HDAC8: variants seen among roughly 807,000 people sequenced by gnomAD.
HDAC8 encodes the protein histone deacetylase-like 1.
In HDAC8, 1 loss-of-function variant was observed where a neutral mutation model predicts 32.2. That is an observed-to-expected ratio of 0.03 (90% CI 0.01 to 0.15). The LOEUF (loss-of-function observed/expected upper bound fraction) is 0.15, where lower values mean the gene tolerates loss of function less well. Among genes scored for constraint, HDAC8 ranks in the 10% least tolerant of loss-of-function variants. HDAC8 has a pLI of 1.00. For missense variants in HDAC8, 117 were observed against 300.0 expected (o/e 0.39, Z 4.51); for synonymous variants, 108 against 113.9 (o/e 0.95, Z 0.33).
At chrX:72,420,221 G>T (rs1227664194) in intron 9 of HDAC8, among the ~76,000 whole-genome samples, 1 of 111,398 alleles carries the variant, frequency 9.0e-6, no homozygotes, top group Non-Finnish European at 1.9e-5. Flanking sequence ...AAAGTTTCTG[G>T]TCCTTGGCTT....
chrX:72,428,168 A>T (rs1421314046), intron 9 of HDAC8, among the ~76,000 whole-genome samples: 1 of 111,610 alleles, frequency 9.0e-6, no homozygotes, highest in Non-Finnish European at 1.9e-5. Flanking sequence ...ATCTCCGCTC[A>T]CTGCAACCTC....
chrX:72,549,375 T>C (rs1470896779), intron 4 of HDAC8, among the ~76,000 whole-genome samples: 1 of 111,170 alleles, frequency 9.0e-6, no homozygotes, highest in Non-Finnish European at 1.9e-5. Flanking sequence ...TAATACAATC[T>C]ATAATGCTGT....
At chrX:72,395,112 G>C (rs1306648374) in intron 9 of HDAC8, among the ~76,000 whole-genome samples, 1 of 112,308 alleles carries the variant, frequency 8.9e-6, no homozygotes, top group African/African-American at 3.2e-5. Flanking sequence ...GGGGAAAAAA[G>C]TGCTAAGAGC....
intron 7 of HDAC8, chrX:72,474,507 A>G: frequency 9.3e-7 from 1 of 1,074,284 alleles, no homozygotes. Context: ...AAAGTATAAA[A>G]TCTCTTATCC....
intron 4 of HDAC8, among the ~76,000 whole-genome samples, chrX:72,566,711 G>A (rs1556134942): frequency 2.7e-5 from 3 of 112,043 alleles, no homozygotes; most frequent in Admixed American, 9.5e-5. Flanking sequence ...ACAGAGGATC[G>A]ATAAATTCAG....
chrX:72,338,682 T>G (rs1238180806), intron 10 of HDAC8, among the ~76,000 whole-genome samples: 2 of 59,622 alleles, frequency 3.4e-5, no homozygotes, highest in Admixed American at 4.4e-4. Context: ...AATATATATA[T>G]ACAAATATAT....
At chrX:72,511,684 T>C (rs1231598109) in intron 4 of HDAC8, among the ~76,000 whole-genome samples, 3 of 112,271 alleles carry the variant, frequency 2.7e-5, no homozygotes, top group African/African-American at 9.7e-5. Flanking sequence ...TGCTTTAAAA[T>C]GCAGGGAAAG....
chrX:72,357,782 T>C (rs186472790), intron 9 of HDAC8, among the ~76,000 whole-genome samples: 3 of 112,061 alleles, frequency 2.7e-5, no homozygotes, highest in Middle Eastern at 4.6e-3. Flanking sequence ...AGGTTTCTCT[T>C]GTCTTCCACC....
intron 3 of HDAC8, 134 bp from the exon 4 acceptor site, chrX:72,568,164 C>A: frequency 2.0e-6 from 1 of 509,364 alleles, no homozygotes; most frequent in Non-Finnish European, 3.3e-6. Flanking sequence ...ACAGAAACAA[C>A]TCCAATGTTG....
chrX:72,432,074 G>T (rs1429982480), intron 9 of HDAC8, among the ~76,000 whole-genome samples: 1 of 110,720 alleles, frequency 9.0e-6, no homozygotes, highest in Non-Finnish European at 1.9e-5. Context: ...GGGCTCAAGT[G>T]ATTCTCCTTC....
In HDAC8 at chrX:72,401,197, T is replaced by C. The variant is rs202091815; in HGVS notation, c.1006-49359A>G. Reference sequence around the variant, plus strand: ...TGTACTTTTACATTCCCATGGGCAGTGTATGAGTGTTTCGTTTTCCCACAT... The same window carrying C: ...TGTACTTTTACATTCCCATGGGCAGCGTATGAGTGTTTCGTTTTCCCACAT... On this transcript the variant is annotated intron_variant, in intron 9 of 10. Coordinates refer to ENST00000373573, the MANE Select transcript of HDAC8 (RefSeq NM_018486.3). Among the ~76,000 whole-genome samples, 14 of 112,184 alleles carry C rather than the reference T, an allele frequency of 1.2e-4. No individual in the cohort carries two copies. In the East Asian group the frequency reaches 2.5e-3, roughly 20 times the overall value.
chrX:72,372,197 C>A (rs1405448648), intron 9 of HDAC8, among the ~76,000 whole-genome samples: 1 of 111,119 alleles, frequency 9.0e-6, no homozygotes, highest in Admixed American at 9.6e-5. Context: ...AATCCACATT[C>A]CTTTTTGGGA....
intron 4 of HDAC8, among the ~76,000 whole-genome samples, chrX:72,564,565 T>A (rs1216006116): frequency 8.9e-6 from 1 of 112,570 alleles, no homozygotes; most frequent in Non-Finnish European, 1.9e-5. Flanking sequence ...TTTGCTTTTT[T>A]AAATATTTAA....
chrX:72,382,953 C>G (rs2045306293), intron 9 of HDAC8, among the ~76,000 whole-genome samples: 1 of 111,884 alleles, frequency 8.9e-6, no homozygotes, highest in Non-Finnish European at 1.9e-5. Context: ...CCCTCTCCCC[C>G]TAAAAAAGCT....
At chrX:72,544,567 C>T (rs1427557283) in intron 4 of HDAC8, among the ~76,000 whole-genome samples, 1 of 111,430 alleles carries the variant, frequency 9.0e-6, no homozygotes, top group Non-Finnish European at 1.9e-5. Context: ...ACATGTTACC[C>T]AGCACTATAT....
chrX:72,389,025 T>G (rs1301900219), intron 9 of HDAC8, among the ~76,000 whole-genome samples: 7 of 112,345 alleles, frequency 6.2e-5, no homozygotes, highest in Non-Finnish European at 9.4e-5. Context: ...TTAGCTACAT[T>G]ATTAATACTT....
At chrX:72,394,780 A>G (rs936860791) in intron 9 of HDAC8, among the ~76,000 whole-genome samples, 3 of 112,466 alleles carry the variant, frequency 2.7e-5, no homozygotes, top group African/African-American at 9.7e-5. Context: ...ACTACAGATC[A>G]GTCTCAAGAA....
intron 10 of HDAC8, among the ~76,000 whole-genome samples, chrX:72,338,690 T>A (rs933497392): frequency 2.0e-5 from 2 of 98,978 alleles, no homozygotes; most frequent in East Asian, 5.9e-4. Flanking sequence ...TATACAAATA[T>A]ATATATATAT....
At chrX:72,514,545 A>G (rs181651732) in intron 4 of HDAC8, among the ~76,000 whole-genome samples, 72 of 112,461 alleles carry the variant, frequency 6.4e-4, no homozygotes, top group African/African-American at 2.1e-3. Flanking sequence ...GAATCCCAAT[A>G]CATAAAACAA....
Sources: allele counts gnomAD v4.1 joint callset (sites outside exome capture counted in the v4.1 genomes callset), GRCh38; gene constraint gnomAD v4.1.1; transcripts MANE v1.5; gene names NCBI Gene and HGNC (gene_info 2026-07-23, HGNC 2026-07-21).